Variants in FAM3B observed in about 807,000 individuals in gnomAD.
FAM3B encodes FAM3 metabolism regulating signaling molecule B.
FAM3B carries 29 observed loss-of-function variants against 28.4 expected under a neutral mutation model. The observed-to-expected ratio is 1.02, with a 90% CI of 0.76 to 1.39. The LOEUF (loss-of-function observed/expected upper bound fraction) is 1.39, where lower values mean the gene tolerates loss of function less well. Ranked by LOEUF, FAM3B falls within the 40% of genes most tolerant of loss-of-function variation. The pLI is 0.00. For missense variants in FAM3B, 266 were observed against 293.9 expected, an observed-to-expected ratio of 0.91 and a Z score of 0.69; for synonymous variants, 91 against 103.0, an observed-to-expected ratio of 0.88 and a Z score of 0.71.
chr21:41,324,657 C>G (rs2088840353), intron 2 of FAM3B, among the ~76,000 whole-genome samples: 1 of 152,202 alleles, frequency 6.6e-6, no homozygotes, highest in Admixed American at 6.5e-5. Context: ...AACAGCATCC[C>G]TCTCTGGGCC....
At chr21:41,323,421 G>C (rs1387160436) in intron 2 of FAM3B, among the ~76,000 whole-genome samples, 5 of 152,212 alleles carry the variant, frequency 3.3e-5, no homozygotes, top group African/African-American at 9.7e-5. Context: ...GGACTGAAGA[G>C]CTGTTGGAAA....
chr21:41,317,710 G>T (rs66817580), intron 1 of FAM3B, among the ~76,000 whole-genome samples: 25,162 of 152,028 alleles, frequency 0.17, 2,275 homozygotes, highest in African/African-American at 0.22. Context: ...TCACTTCCTG[G>T]TCCTGGATCC....
At chr21:41,325,135 A>G (rs1327939789) in intron 2 of FAM3B, among the ~76,000 whole-genome samples, 1 of 152,186 alleles carries the variant, frequency 6.6e-6, no homozygotes, top group Non-Finnish European at 1.5e-5. Flanking sequence ...CAAAAAACAT[A>G]TATATGCATT....
intron 3 of FAM3B, 33 bp downstream of exon 3, chr21:41,338,534 G>T: frequency 6.2e-7 from 1 of 1,611,874 alleles, no homozygotes; most frequent in Non-Finnish European, 8.5e-7. Context: ...AAAATAAAGC[G>T]ATCCTACTGA....
intron 6 of FAM3B, 92 bp downstream of exon 6, chr21:41,347,192 A>G (rs763025586): frequency 1.9e-6 from 2 of 1,026,766 alleles, no homozygotes; most frequent in Non-Finnish European, 1.5e-6. Flanking sequence ...CTCTGGGGAC[A>G]AGCAGAAAGT....
At chr21:41,305,845 G>A (rs1001343388) in intron 1 of FAM3B, among the ~76,000 whole-genome samples, 1 of 152,144 alleles carries the variant, frequency 6.6e-6, no homozygotes, top group African/African-American at 2.4e-5. Context: ...GAGCGGCTGT[G>A]GCAATTTCTT....
At chr21:41,313,380 G>A (rs1037871546), upstream of FAM3B, among the ~76,000 whole-genome samples, 7 of 152,190 alleles carry the variant, frequency 4.6e-5, no homozygotes, top group African/African-American at 1.2e-4. Flanking sequence ...ACCACCCTGC[G>A]TCTGCACTCA....
chr21:41,304,411 G>A (rs1049238793), intron 1 of FAM3B: 5 of 410,780 alleles, frequency 1.2e-5, no homozygotes, highest in East Asian at 7.5e-5. Context: ...AGTCGCCCCC[G>A]AAGGGCCCCA....
chr21:41,346,387 A>C (rs578180690), intron 5 of FAM3B: 7 of 153,112 alleles, frequency 4.6e-5, no homozygotes, highest in African/African-American at 1.7e-4. Flanking sequence ...TAAGCAGAAC[A>C]GTAAATAATG....
upstream of FAM3B, among the ~76,000 whole-genome samples, chr21:41,312,288 A>G (rs2088719595): frequency 6.6e-6 from 1 of 152,184 alleles, no homozygotes. Context: ...GATTGTATAT[A>G]TGTATATAAT....
chr21:41,345,756 TAAAA>T lies in FAM3B; in HGVS notation c.397+21_397+24del. On this transcript the variant is annotated intron_variant, in intron 5 of 7. Transcript: ENST00000357985. Reference sequence around the variant, plus strand: ...AAGGTGGTAAGAAAATTTTTTCTGTTAAAATTCAAATGAATTTTAAACAGAAAAT... The same window carrying T: ...AAGGTGGTAAGAAAATTTTTTCTGTTTTCAAATGAATTTTAAACAGAAAAT... 1 of 1,429,976 alleles carries T rather than the reference TAAAA, an allele frequency of 7.0e-7. No homozygotes were observed. The allele number at this position is 1,429,976 out of a possible 1,614,324, so 88.6% of individuals were successfully genotyped here.
chr21:41,320,664 T>A (rs1601350168), intron 1 of FAM3B: 1 of 152,270 alleles, frequency 6.6e-6, no homozygotes, highest in Non-Finnish European at 1.5e-5. Context: ...CAGGAGGTGG[T>A]TCAGACTCTA....
chr21:41,354,951 A>G (rs978606235), intron 7 of FAM3B, among the ~76,000 whole-genome samples: 3 of 152,226 alleles, frequency 2.0e-5, no homozygotes, highest in Non-Finnish European at 4.4e-5. Flanking sequence ...TAGAATACAT[A>G]AAGAACTCTT....
chr21:41,341,087 A>G (rs2089003134), intron 3 of FAM3B, among the ~76,000 whole-genome samples: 1 of 152,138 alleles, frequency 6.6e-6, no homozygotes. Flanking sequence ...CCTTTCTTAC[A>G]TAAAAGGTGG....
chr21:41,342,980 T>TA, intron 3 of FAM3B, among the ~76,000 whole-genome samples: 1 of 152,348 alleles, frequency 6.6e-6, no homozygotes, highest in South Asian at 2.1e-4. Context: ...CTGGAACCTT[T>TA]AGCAGAACAG....
intron 7 of FAM3B, among the ~76,000 whole-genome samples, chr21:41,356,727 A>G (rs2089171082): frequency 6.6e-6 from 1 of 152,248 alleles, no homozygotes; most frequent in Non-Finnish European, 1.5e-5. Context: ...TAGAAGAAAG[A>G]AGACATAGTG....
intron 2 of FAM3B, 125 bp from the exon 3 acceptor site, chr21:41,338,253 C>A: frequency 9.1e-7 from 1 of 1,095,470 alleles, no homozygotes; most frequent in South Asian, 1.5e-5. Flanking sequence ...ACCCTTCCCC[C>A]TCAGGTTTTC....
Position 41,311,254 on chromosome 21 carries a change from ATATATATATATATATATATAT to A in FAM3B, n.99+6945_99+6965del, listed in dbSNP as rs2088711549. On this transcript the variant is annotated intron_variant and non_coding_transcript_variant, in intron 1 of 9. Transcript: ENST00000479810. ...GTCTCTACAAAAAAAAAAAAAAAAT[ATATATATATATATATATATAT>A]ATATATATATATATATATATATGTA... Among the ~76,000 whole-genome samples, 14 of 28,238 alleles carry A rather than the reference ATATATATATATATATATATAT, an allele frequency of 5.0e-4. 1 individual carries two copies. Among genetic ancestry groups the A allele is most frequent in the African/African-American group, 1.0e-3 (5 of 4,784 alleles). 18.5% of individuals were successfully genotyped at this position (28,238 alleles called of 152,430 possible).
At chr21:41,318,011 A>G (rs1442945113) in intron 1 of FAM3B, among the ~76,000 whole-genome samples, 1 of 152,136 alleles carries the variant, frequency 6.6e-6, no homozygotes, top group Non-Finnish European at 1.5e-5. Flanking sequence ...AGTGTTTTCT[A>G]TTATTTCTGT....
Sources: allele counts gnomAD v4.1 joint callset (sites outside exome capture counted in the v4.1 genomes callset), GRCh38; gene constraint gnomAD v4.1.1; transcripts MANE v1.5; gene names NCBI Gene and HGNC (gene_info 2026-07-23, HGNC 2026-07-21).